LCORL: variants seen among roughly 807,000 people sequenced by gnomAD.
LCORL encodes ligand-dependent nuclear receptor corepressor-like protein.
In LCORL, 41 loss-of-function variants were observed where a neutral mutation model predicts 141.8. The observed-to-expected ratio is 0.29, with a 90% CI of 0.23 to 0.38. The LOEUF (loss-of-function observed/expected upper bound fraction) is 0.38, where lower values mean the gene tolerates loss of function less well. Ranked by LOEUF, LCORL falls within the 10% of genes least tolerant of loss-of-function variation. The pLI is 1.00. For synonymous variants in LCORL, 618 were observed against 694.1 expected (o/e 0.89, Z 1.72); for missense variants, 1,759 against 2,035.0 (o/e 0.86, Z 2.61).
At chr4:17,862,650 C>T (rs1725145337) in intron 7 of LCORL, among the ~76,000 whole-genome samples, 1 of 152,178 alleles carries the variant, frequency 6.6e-6, no homozygotes, top group South Asian at 2.1e-4. Context: ...GTATATGGTG[C>T]TGGGATAACT....
intron 1 of LCORL, among the ~76,000 whole-genome samples, chr4:18,017,213 T>C (rs1268192571): frequency 6.6e-6 from 1 of 151,848 alleles, no homozygotes; most frequent in East Asian, 1.9e-4. Flanking sequence ...AACAACTGAG[T>C]AAATAATGGA....
intron 4 of LCORL, among the ~76,000 whole-genome samples, chr4:17,949,123 A>C (rs1205384476): frequency 6.6e-6 from 1 of 151,814 alleles, no homozygotes; most frequent in Non-Finnish European, 1.5e-5. Flanking sequence ...AAGCATACAC[A>C]CTTCACCTGA....
At position 17,851,695 on chromosome 4, in the gene LCORL, G is replaced by A. The variant is rs567409252; in HGVS notation, c.5603-5794C>T. Among the ~76,000 whole-genome samples the A allele has an allele frequency of 3.3e-5, 5 of 152,250 alleles. No individual in the cohort carries two copies. In the South Asian group the frequency reaches 8.3e-4, roughly 25 times the overall value. On this transcript the variant is annotated intron_variant, in intron 7 of 7. Coordinates refer to ENST00000635767, the Ensembl canonical transcript of LCORL. ...GTTCAAGTATATCTATAGAGCTGAC[G>A]AGGAGTAGAATAGCTGGGTCAAAGG... is the stretch of plus-strand genomic sequence containing the variant.
At chr4:17,961,346 A>C (rs948736459) in intron 4 of LCORL, among the ~76,000 whole-genome samples, 1 of 152,110 alleles carries the variant, frequency 6.6e-6, no homozygotes, top group African/African-American at 2.4e-5. Context: ...TAAGGGAACA[A>C]GTAAAACAAA....
At position 17,843,057 on chromosome 4, in the gene LCORL, C is replaced by T. The variant is rs114346648; in HGVS notation, c.*2831G>A. ...CATTACAAGTTTGTGGCTTTTTTTC[C>T]TGTATAACACCAGGTTCTGTTATAG... is the stretch of plus-strand genomic sequence containing the variant. On this transcript the variant is annotated 3_prime_UTR_variant, in exon 8 of 8. Transcript: ENST00000635767. The T allele has an allele frequency of 1.7e-3, 453 of 265,664 alleles. 4 individuals carry two copies. Among genetic ancestry groups the T allele is most frequent in the African/African-American group, 9.4e-3 (426 of 45,186 alleles). The allele number at this position is 265,664 out of a possible 1,614,324, so 16.5% of individuals were successfully genotyped here.
At chr4:17,894,416 T>C (rs563576392) in intron 5 of LCORL, among the ~76,000 whole-genome samples, 4 of 152,328 alleles carry the variant, frequency 2.6e-5, no homozygotes, top group African/African-American at 9.6e-5. Context: ...GCAGACCTTT[T>C]ATGTGGGCTG....
At chr4:17,875,484 A>G (rs1052657120) in exon 7 of LCORL, 10 of 1,231,250 alleles carry the variant, frequency 8.1e-6, no homozygotes, top group Non-Finnish European at 1.0e-5. Context: ...ATTATTGTTT[A>G]AAGACATAAG....
intron 1 of LCORL, among the ~76,000 whole-genome samples, chr4:17,977,093 G>A (rs1032887725): frequency 6.6e-6 from 1 of 152,014 alleles, no homozygotes; most frequent in Admixed American, 6.6e-5. Flanking sequence ...CTTTTGTGGG[G>A]GCTGGTCTTT....
rs748901203 is a variant in LCORL at position 17,989,813 on chromosome 4, C to G, written c.155-16928G>C. Among the ~76,000 whole-genome samples the G allele has an allele frequency of 1.4e-4, 21 of 152,152 alleles. 2 individuals carry two copies. Among genetic ancestry groups the G allele is most frequent in the Non-Finnish European group, 1.5e-4 (10 of 68,042 alleles). On this transcript the variant is annotated intron_variant, in intron 1 of 7. Transcript: ENST00000635767. Reference sequence around the variant, plus strand: ...TCATCACAGCTCCTTAGGCCAGAAGCCTGGTATGATGTGGCTGGTTGACCA... The same window carrying G: ...TCATCACAGCTCCTTAGGCCAGAAGGCTGGTATGATGTGGCTGGTTGACCA...
At chr4:17,958,888 A>C (rs1450699835) in intron 4 of LCORL, among the ~76,000 whole-genome samples, 2 of 151,884 alleles carry the variant, frequency 1.3e-5, no homozygotes, top group Non-Finnish European at 2.9e-5. Flanking sequence ...CTACTCTAGC[A>C]CTCTAGTTAA....
At position 18,021,773 on chromosome 4, in the gene LCORL, C is replaced by T. The variant is rs772662909; in HGVS notation, c.-22G>A. 3 of 1,479,402 alleles carry T rather than the reference C, an allele frequency of 2.0e-6. No homozygotes were observed. The allele number at this position is 1,479,402 out of a possible 1,614,324, so 91.6% of individuals were successfully genotyped here. A position where few individuals can be genotyped will look rare whatever the true frequency, so the allele number is the denominator to read the frequency against. The stretch of plus-strand genomic sequence containing the variant: ...CCATCTGCGTCCCGCGTCACGCGCC[C>T]TCATTTACATACGAGCAGCGCAGGC... On this transcript the variant is annotated 5_prime_UTR_variant, in exon 1 of 8. Coordinates refer to ENST00000635767, the Ensembl canonical transcript of LCORL. The surrounding 1 kb of genome is among the most constrained non-coding windows in gnomAD (Gnocchi z 5.5).
At chr4:17,867,749 G>A (rs567711791) in intron 7 of LCORL, among the ~76,000 whole-genome samples, 3 of 152,196 alleles carry the variant, frequency 2.0e-5, no homozygotes, top group East Asian at 3.9e-4. Flanking sequence ...GAAAGATATG[G>A]GGCAATTAGT....
At chr4:17,929,922 C>T (rs1735735210) in intron 4 of LCORL, among the ~76,000 whole-genome samples, 3 of 152,052 alleles carry the variant, frequency 2.0e-5, no homozygotes, top group Admixed American at 2.0e-4. Context: ...AAAGACATGC[C>T]AAATTTGAAA....
chr4:17,894,566 T>C (rs1729600822), intron 5 of LCORL, among the ~76,000 whole-genome samples: 1 of 152,190 alleles, frequency 6.6e-6, no homozygotes, highest in South Asian at 2.1e-4. Flanking sequence ...GTAAAAAGAA[T>C]TATATTTTAA....
intron 6 of LCORL, chr4:17,883,694 TCACA>T (rs1560286946): frequency 2.1e-6 from 3 of 1,448,826 alleles, no homozygotes; most frequent in Non-Finnish European, 2.7e-6. Context: ...ACACACACAC[TCACA>T]AACATTTTCC....
chr4:17,867,161 C>T (rs187639983), intron 7 of LCORL: 53 of 161,520 alleles, frequency 3.3e-4, no homozygotes, highest in Non-Finnish European at 6.1e-4. Context: ...ATGTCAAATA[C>T]ATTGTATTGT....
intron 1 of LCORL, among the ~76,000 whole-genome samples, chr4:17,995,685 C>G (rs930785128): frequency 1.3e-5 from 2 of 152,130 alleles, no homozygotes; most frequent in African/African-American, 4.8e-5. Flanking sequence ...TGATTTGATA[C>G]TAGAATATTT....
intron 3 of LCORL, 94 bp from the exon 4 acceptor site, chr4:17,962,126 C>A (rs1577559841): frequency 1.4e-6 from 1 of 708,412 alleles, no homozygotes; most frequent in South Asian, 2.5e-5. Flanking sequence ...GCTCTAAATG[C>A]CCATTTGTTC....
intron 4 of LCORL, among the ~76,000 whole-genome samples, chr4:17,927,749 A>G (rs931374452): frequency 1.3e-5 from 2 of 152,220 alleles, no homozygotes; most frequent in Non-Finnish European, 2.9e-5. Flanking sequence ...GTGGTGCTCC[A>G]AAATAATTAC....
Sources: allele counts gnomAD v4.1 joint callset (sites outside exome capture counted in the v4.1 genomes callset), GRCh38; gene constraint gnomAD v4.1.1; non-coding constraint Gnocchi (gnomAD v3.1); transcripts MANE v1.5; gene names NCBI Gene and HGNC (gene_info 2026-07-23, HGNC 2026-07-21).